PATZ1: variants seen among roughly 807,000 people sequenced by gnomAD.
PATZ1 encodes POZ-, AT hook-, and zinc finger-containing protein 1.
PATZ1 carries 9 observed loss-of-function variants against 46.2 expected under a neutral mutation model. The observed-to-expected ratio is 0.19, with a 90% CI of 0.12 to 0.34. PATZ1 has a LOEUF of 0.34. Ranked by LOEUF, PATZ1 falls within the 10% of genes least tolerant of loss-of-function variation. The pLI is 1.00. For synonymous variants in PATZ1, 426 were observed against 378.6 expected (o/e 1.13, Z -1.45); for missense variants, 632 against 923.0 (o/e 0.68, Z 4.08).
chr22:31,327,043 C>T lies in PATZ1; in HGVS notation c.1912G>A (p.Asp638Asn), dbSNP rs778687462. The T allele has an allele frequency of 9.3e-6, 15 of 1,613,892 alleles. No homozygotes were observed. ...HVRALGGPLG[D>N]LGPALGSPFS... Reference sequence around the variant, plus strand: ...GGTGAGCCAAGGGCAGGGCCCAGGTCCCCCAGGGGGCCCCCGAGAGCCCGG... The same window carrying T: ...GGTGAGCCAAGGGCAGGGCCCAGGTTCCCCAGGGGGCCCCCGAGAGCCCGG... The change falls in exon 5 of 5, where the codon GAC becomes AAC. Residue 638 changes from aspartate (D) to asparagine (N), a missense_variant. By Grantham distance (23) the Asp-to-Asn change is conservative. Around this residue, in one of 7 missense-constraint regions of PATZ1, gnomAD observed 176 missense variants for 249.4 expected, o/e 0.71. Coordinates refer to ENST00000266269, the MANE Select transcript of PATZ1 (RefSeq NM_014323.3). This position sits in a 1 kb window ranked among gnomAD's most constrained non-coding sequence, Gnocchi z 4.2.
At position 31,341,929 on chromosome 22, in the gene PATZ1, G is replaced by A. The variant is rs3788432; in HGVS notation, c.1335+968C>T. The stretch of plus-strand genomic sequence containing the variant: ...CCCAGCACCTGTGAACACCGTCCAC[G>A]CCTGACCCCCAGGGGCTCTGCCCTA... On this transcript the variant is annotated intron_variant, in intron 2 of 4. Coordinates refer to ENST00000266269, the MANE Select transcript of PATZ1 (RefSeq NM_014323.3). 1.8e-4 allele frequency among the ~76,000 whole-genome samples: 28 copies of A among 152,276 alleles called. No individual in the cohort carries two copies. The East Asian group carries it at 5.4e-3, about 29-fold the overall frequency.
At chr22:31,338,705 G>A (rs562459579) in intron 2 of PATZ1, among the ~76,000 whole-genome samples, 2 of 152,320 alleles carry the variant, frequency 1.3e-5, no homozygotes, top group South Asian at 2.1e-4. Flanking sequence ...GAGAGAGGGT[G>A]TGTTCTAAGC....
chr22:31,346,034 C>A lies in PATZ1; in HGVS notation c.-432G>T. 5.9e-6 allele frequency: 1 copy of A among 170,232 alleles called. No homozygotes were observed. The highest frequency in any genetic ancestry group is 1.3e-5 in the Non-Finnish European group (1 of 78,608). The allele number at this position is 170,232 out of a possible 1,614,324, so 10.5% of individuals were successfully genotyped here. A position where few individuals can be genotyped will look rare whatever the true frequency, so the allele number is the denominator to read the frequency against. ...GAGGGGTCCGCCGCGCAGGCGCGCG[C>A]GCGCGCCGCGGCTTTTCCCGGGCCC... On this transcript the variant is annotated 5_prime_UTR_variant, in exon 1 of 5. Coordinates refer to ENST00000266269, the MANE Select transcript of PATZ1 (RefSeq NM_014323.3).
intron 3 of PATZ1, chr22:31,335,231 G>GT (rs1168857167): frequency 6.4e-6 from 1 of 156,298 alleles, no homozygotes; most frequent in Admixed American, 6.4e-5. Flanking sequence ...TCTGCTCCTT[G>GT]TTTATCTCCA....
Position 31,335,876 on chromosome 22 carries a change from A to C in PATZ1, c.1336-13T>G, listed in dbSNP as rs961681091. On this transcript the variant is annotated splice_polypyrimidine_tract_variant and intron_variant, in intron 2 of 4. Coordinates refer to ENST00000266269, the MANE Select transcript of PATZ1 (RefSeq NM_014323.3). ...AAGCATTGCAGGTCTGAAGGCAGAA[A>C]AGAAAATGGGATGATGTGAAACCCA... 1.9e-6 allele frequency: 3 copies of C among 1,610,196 alleles called. No individual in the cohort carries two copies. The highest frequency in any genetic ancestry group is 2.5e-6 in the Non-Finnish European group (3 of 1,177,298).
chr22:31,331,620 G>A (rs893997900), intron 3 of PATZ1, among the ~76,000 whole-genome samples: 1 of 152,094 alleles, frequency 6.6e-6, no homozygotes, highest in Non-Finnish European at 1.5e-5. Context: ...GGGATTACAG[G>A]CGTGAGCCAC....
At chr22:31,339,728 G>A (rs2049556411) in intron 2 of PATZ1, among the ~76,000 whole-genome samples, 1 of 152,226 alleles carries the variant, frequency 6.6e-6, no homozygotes, top group Non-Finnish European at 1.5e-5. Context: ...TCCTGGCCCA[G>A]GCACCCTGAG....
intron 3 of PATZ1, among the ~76,000 whole-genome samples, chr22:31,331,987 G>A (rs1398646052): frequency 6.6e-6 from 1 of 152,256 alleles, no homozygotes; most frequent in East Asian, 1.9e-4. Flanking sequence ...GTGCATGCCT[G>A]TAATCCCAGC....
intron 1 of PATZ1, chr22:31,343,265 T>C: frequency 8.9e-7 from 1 of 1,127,962 alleles, no homozygotes; most frequent in Non-Finnish European, 1.1e-6. Context: ...GCGGTGGCAG[T>C]AGAATGAAAC....
At chr22:31,343,069 A>C in intron 1 of PATZ1, 109 bp from the exon 2 acceptor site, 2 of 1,514,880 alleles carry the variant, frequency 1.3e-6, no homozygotes, top group Non-Finnish European at 1.8e-6. Flanking sequence ...GCTGGAAAGG[A>C]CTCCCTCTCC....
intron 3 of PATZ1, among the ~76,000 whole-genome samples, chr22:31,332,359 C>T (rs1193717487): frequency 6.6e-6 from 1 of 152,190 alleles, no homozygotes; most frequent in African/African-American, 2.4e-5. Flanking sequence ...GAATTCTAAA[C>T]TTACCCACCC....
At position 31,344,934 on chromosome 22, in the gene PATZ1, T is replaced by G; in HGVS notation, c.669A>C (p.Gln223His). 6.2e-7 allele frequency: 1 copy of G among 1,613,686 alleles called. No individual in the cohort carries two copies. Among genetic ancestry groups the G allele is most frequent in the South Asian group, 1.1e-5 (1 of 91,086 alleles). Reference sequence around the variant, plus strand: ...CCCCAGGTAACACAGGCAAAGAGGCTTGGCCTGCAATGGCTGCACCAGCCG... The same window carrying G: ...CCCCAGGTAACACAGGCAAAGAGGCGTGGCCTGCAATGGCTGCACCAGCCG... ...ARAAGAAIAG[Q>H]ASLPVLPGVD... Residue 223 changes from glutamine (Q) to histidine (H), a missense_variant, in exon 1 of 5, where the codon CAA becomes CAC. By Grantham distance (24) the Gln-to-His change is conservative. This residue lies in a region of PATZ1 where 279 missense variants were observed against 284.3 expected (regional missense o/e 0.98). Transcript: ENST00000266269.
At chr22:31,337,844 G>A (rs1227741082) in intron 2 of PATZ1, 1 of 152,136 alleles carries the variant, frequency 6.6e-6, no homozygotes, top group Non-Finnish European at 1.5e-5. Context: ...AACACATACA[G>A]ACATCTAACT....
Position 31,340,595 on chromosome 22 carries a change from G to A in PATZ1, c.1335+2302C>T, listed in dbSNP as rs185782564. ...TGAGAGTGTATGTTGGGAGGGGCAG[G>A]GCAGGAGCGCATTTGTACACCAAGG... On this transcript the variant is annotated intron_variant, in intron 2 of 4. Transcript: ENST00000266269. The A allele has an allele frequency of 6.0e-5, 46 of 761,042 alleles. No homozygotes were observed. The Admixed American group carries it at 2.0e-3, about 33-fold the overall frequency. The allele number at this position is 761,042 out of a possible 1,614,324, so 47.1% of individuals were successfully genotyped here.
Position 31,345,356 on chromosome 22 carries a change from C to G in PATZ1, c.247G>C (p.Gly83Arg). ...QLGDGGAADG[G>R]PADVGGATAA... is the part of the protein sequence containing the mutation. ...GTCGCGCCCCCTACATCAGCCGGAC[C>G]CCCGTCCGCAGCTCCGCCGTCGCCC... Residue 83 changes from glycine to arginine, a missense_variant, in exon 1 of 5, where the codon GGT becomes CGT. Transcript: ENST00000266269. The surrounding 1 kb of genome is among the most constrained non-coding windows in gnomAD (Gnocchi z 7.4). 6.2e-7 allele frequency: 1 copy of G among 1,607,298 alleles called. No homozygotes were observed. Among genetic ancestry groups the G allele is most frequent in the South Asian group, 1.1e-5 (1 of 90,600 alleles).
chr22:31,326,686 T>C lies in PATZ1; in HGVS notation c.*205A>G. The C allele has an allele frequency of 1.8e-6, 1 of 569,792 alleles. No homozygotes were observed. The highest frequency in any genetic ancestry group is 3.1e-6 in the Non-Finnish European group (1 of 323,936). 35.3% of individuals were successfully genotyped at this position (569,792 alleles called of 1,614,324 possible). On this transcript the variant is annotated 3_prime_UTR_variant, in exon 5 of 5. Transcript: ENST00000266269. ...TGTCCCATACCAAGTCTCATTGATATTTCTGCAGAATATCAGATGAAAATC... is the reference window on the plus strand; with the variant it reads ...TGTCCCATACCAAGTCTCATTGATACTTCTGCAGAATATCAGATGAAAATC...
In PATZ1 at chr22:31,327,000, T is replaced by C. The variant is rs2049376729; in HGVS notation, c.1955A>G (p.Asn652Ser). 6.2e-7 allele frequency: 1 copy of C among 1,614,102 alleles called. No individual in the cohort carries two copies. Among genetic ancestry groups the C allele is most frequent in the Non-Finnish European group, 8.5e-7 (1 of 1,180,046 alleles). ...ALGSPFSPQQ[N>S]MSLLESFGFQ... ...CCCAAAGGACTCGAGGAGAGACATG[T>C]TCTGCTGAGGAGAGAAAGGTGAGCC... The change falls in exon 5 of 5, where the codon AAC becomes AGC. Residue 652 changes from asparagine to serine, a missense_variant. Coordinates refer to ENST00000266269, the MANE Select transcript of PATZ1 (RefSeq NM_014323.3).
rs148917034 is a variant in PATZ1 at position 31,339,816 on chromosome 22, T to C, written c.1335+3081A>G. ...TTCCTAAAGCTTTTCTTCCTAAGGA[T>C]TGAGCAGCTTGGGAATGGGGCCCAA... On this transcript the variant is annotated intron_variant, in intron 2 of 4. Coordinates refer to ENST00000266269, the MANE Select transcript of PATZ1 (RefSeq NM_014323.3). Among the ~76,000 whole-genome samples, 240 of 152,278 alleles carry C rather than the reference T, an allele frequency of 1.6e-3. 1 individual carries two copies. Among genetic ancestry groups the C allele is most frequent in the African/African-American group, 5.6e-3 (233 of 41,538 alleles).
At chr22:31,341,370 C>T (rs1321374885) in intron 2 of PATZ1, 1 of 1,518,826 alleles carries the variant, frequency 6.6e-7, no homozygotes, top group South Asian at 1.3e-5. Context: ...CCTCCTGTTC[C>T]CTTCCACTGT....
Sources: allele counts gnomAD v4.1 joint callset (sites outside exome capture counted in the v4.1 genomes callset), GRCh38; gene constraint gnomAD v4.1.1; regional missense constraint gnomAD v4.1.1; non-coding constraint Gnocchi (gnomAD v3.1); transcripts MANE v1.5; gene names NCBI Gene and HGNC (gene_info 2026-07-23, HGNC 2026-07-21).